The following IL3RA variants were observed in gnomAD, a reference collection of about 807,000 sequenced individuals.
The protein encoded by IL3RA is interleukin 3 receptor subunit alpha, also known as interleukin-3 receptor subunit alpha.
A neutral mutation model predicts 52.3 loss-of-function variants in IL3RA; 73 were observed. That is an observed-to-expected ratio of 1.40 (90% CI 1.16 to 1.70). The LOEUF (loss-of-function observed/expected upper bound fraction) is 1.70. IL3RA is among the 40% of genes most tolerant of loss of function. The probability of loss-of-function intolerance (pLI) is 0.00; values close to 1 mark genes in which losing one functional copy is unlikely to be tolerated. For missense variants in IL3RA, 664 were observed against 504.4 expected (o/e 1.32, Z -3.03); for synonymous variants, 260 against 194.0 (o/e 1.34, Z -2.83).
intron 4 of IL3RA, among the ~76,000 whole-genome samples, chrX:1,351,737 T>C (rs1603443866): frequency 6.6e-6 from 1 of 151,080 alleles, no homozygotes; most frequent in African/African-American, 2.4e-5. Context: ...CAAGAAATTC[T>C]CCTGCCTCAG....
rs1377670928 is a variant in IL3RA, at chrX:1,374,023, A to G, written c.875-4636A>G. Among the ~76,000 whole-genome samples, 3 of 46,782 alleles carry G rather than the reference A, an allele frequency of 6.4e-5. No homozygotes were observed. In the Admixed American group the frequency reaches 7.1e-4, roughly 11 times the overall value. The allele number at this position is 46,782 out of a possible 152,430, so 30.7% of individuals were successfully genotyped here. The stretch of plus-strand genomic sequence containing the variant: ...CCTGAAACGGACTAAGACATCCCAT[A>G]AAAAGGAGATGAGGACACAGACACA... On this transcript the variant is annotated intron_variant, in intron 9 of 11. Coordinates refer to ENST00000331035, the MANE Select transcript of IL3RA (RefSeq NM_002183.4).
intron 4 of IL3RA, among the ~76,000 whole-genome samples, chrX:1,349,609 G>C (rs1186382349): frequency 6.6e-6 from 1 of 151,936 alleles, no homozygotes; most frequent in Admixed American, 6.6e-5. Flanking sequence ...ACCACGCCTG[G>C]CCTCTTCTTT....
chrX:1,346,258 G>C (rs1255095314), intron 3 of IL3RA, among the ~76,000 whole-genome samples: 1 of 151,872 alleles, frequency 6.6e-6, no homozygotes, highest in Non-Finnish European at 1.5e-5. Flanking sequence ...GGGCAACATG[G>C]TGAAACCCCG....
intron 2 of IL3RA, among the ~76,000 whole-genome samples, chrX:1,344,637 G>A (rs1411095143): frequency 2.7e-5 from 4 of 150,498 alleles, no homozygotes; most frequent in Admixed American, 6.7e-5. Flanking sequence ...GCCGGGCGTG[G>A]TGGTGGGCTC....
intron 1 of IL3RA, among the ~76,000 whole-genome samples, chrX:1,337,947 G>A (rs58208928): frequency 6.8e-6 from 1 of 147,108 alleles, no homozygotes; most frequent in African/African-American, 2.5e-5. Context: ...CCATGAAAAG[G>A]AACAAGCAGC....
rs776508341 is a variant in IL3RA, at chrX:1,340,942, C to A, written c.-38-786C>A. ...GACCAGCCTGGCCAACACGGTGAAA[C>A]CCCGTCTCTGCTAAAAATACAAAAA... On this transcript the variant is annotated intron_variant, in intron 1 of 11. Coordinates refer to ENST00000331035, the MANE Select transcript of IL3RA (RefSeq NM_002183.4). Among the ~76,000 whole-genome samples, 5 of 152,176 alleles carry A rather than the reference C, an allele frequency of 3.3e-5. No individual in the cohort carries two copies. The South Asian group carries it at 8.3e-4, about 25-fold the overall frequency.
intron 8 of IL3RA, 33 bp from the exon 9 acceptor site, chrX:1,365,105 G>A: frequency 6.6e-7 from 1 of 1,517,406 alleles, no homozygotes; most frequent in Non-Finnish European, 9.1e-7. Context: ...CACCATACCT[G>A]GCCCCTCTTC....
rs189346459 is a variant in IL3RA at position 1,378,786 on chromosome X, C to T, written c.980+22C>T. ...GAAGGTGAGCCCTCGAGGGCGTCCG[C>T]GAGCGTCGCTTGTTTCCAGTGTGAC... On this transcript the variant is annotated intron_variant, in intron 10 of 11. Coordinates refer to ENST00000331035, the MANE Select transcript of IL3RA (RefSeq NM_002183.4). 2.9e-5 allele frequency: 46 copies of T among 1,595,814 alleles called. 1 individual carries two copies. Among genetic ancestry groups the T allele is most frequent in the South Asian group, 7.7e-5 (7 of 90,698 alleles).
At chrX:1,347,707 T>C (rs1465009982) in intron 3 of IL3RA, among the ~76,000 whole-genome samples, 3 of 151,700 alleles carry the variant, frequency 2.0e-5, no homozygotes, top group African/African-American at 7.3e-5. Context: ...TATTTACTGC[T>C]AAGTGGGATT....
In IL3RA at chrX:1,382,528, C is replaced by T; in HGVS notation, c.*63C>T. The T allele has an allele frequency of 6.8e-7, 1 of 1,462,578 alleles. No homozygotes were observed. Among genetic ancestry groups the T allele is most frequent in the Non-Finnish European group, 9.6e-7 (1 of 1,042,014 alleles). 90.6% of individuals were successfully genotyped at this position (1,462,578 alleles called of 1,614,324 possible). A position where few individuals can be genotyped will look rare whatever the true frequency, so the allele number is the denominator to read the frequency against. ...TCCCTGGCCGGGCCAGGCGCCTGCA[C>T]AGACTGGCTGCTGGACCTGCGCACG... is the stretch of plus-strand genomic sequence containing the variant. On this transcript the variant is annotated 3_prime_UTR_variant, in exon 12 of 12. Coordinates refer to ENST00000331035, the MANE Select transcript of IL3RA (RefSeq NM_002183.4).
At chrX:1,344,837 G>A (rs149286041) in intron 2 of IL3RA, among the ~76,000 whole-genome samples, 2,331 of 150,326 alleles carry the variant, frequency 0.016, 32 homozygotes, top group South Asian at 0.035. Context: ...CTAACTCCAC[G>A]GGCAAAAAAA....
chrX:1,381,266 C>T (rs1408606137), intron 11 of IL3RA, among the ~76,000 whole-genome samples, 162 bp downstream of exon 11: 13 of 152,026 alleles, frequency 8.6e-5, no homozygotes, highest in South Asian at 4.1e-4. Flanking sequence ...GGTGTGGTGG[C>T]GGGCGCCTGT....
chrX:1,377,913 G>A (rs2088900713), intron 9 of IL3RA, among the ~76,000 whole-genome samples: 1 of 150,322 alleles, frequency 6.7e-6, no homozygotes, highest in Admixed American at 6.6e-5. Flanking sequence ...TAGGCCGGGT[G>A]CGTGGCTGAC....
At chrX:1,362,054 GTC>G (rs373817571) in intron 8 of IL3RA, among the ~76,000 whole-genome samples, 26 of 150,486 alleles carry the variant, frequency 1.7e-4, no homozygotes, top group Middle Eastern at 3.4e-3. Context: ...TTGTATCTCT[GTC>G]TCTCTCTCTC....
At chrX:1,349,703 C>G (rs2085993735) in intron 4 of IL3RA, among the ~76,000 whole-genome samples, 1 of 151,358 alleles carries the variant, frequency 6.6e-6, no homozygotes. Context: ...GTTCTTGTCG[C>G]CCAGGCTGGA....
At chrX:1,342,396 C>G (rs1424497312) in intron 2 of IL3RA, among the ~76,000 whole-genome samples, 1 of 151,864 alleles carries the variant, frequency 6.6e-6, no homozygotes, top group East Asian at 1.9e-4. Context: ...GAACTGCTGA[C>G]CACAAGTGAT....
chrX:1,343,492 C>G (rs1315137742), intron 2 of IL3RA, among the ~76,000 whole-genome samples: 1 of 140,654 alleles, frequency 7.1e-6, no homozygotes, highest in Admixed American at 6.8e-5. Context: ...TGGTGAAACC[C>G]CGTCTGTACT....
intron 3 of IL3RA, among the ~76,000 whole-genome samples, chrX:1,347,686 T>C (rs2085813327): frequency 6.6e-6 from 1 of 151,198 alleles, no homozygotes; most frequent in South Asian, 2.1e-4. Flanking sequence ...AACAGAAAAG[T>C]ATTTCACTAA....
intron 9 of IL3RA, among the ~76,000 whole-genome samples, chrX:1,377,233 C>T (rs749844826): frequency 1.3e-5 from 2 of 152,150 alleles, no homozygotes; most frequent in East Asian, 1.9e-4. Context: ...TTTTCTTTTT[C>T]TTTTTTCTTT....
Sources: gnomAD v4.1 joint callset for allele counts (sites outside exome capture counted in the v4.1 genomes callset) on GRCh38, gnomAD v4.1.1 for gene constraint, MANE v1.5 for transcripts, NCBI Gene and HGNC (gene_info 2026-07-23, HGNC 2026-07-21) for gene names.